The following POLR3E variants were observed in gnomAD, a reference collection of about 807,000 sequenced individuals.
POLR3E encodes the protein RNA polymerase III subunit E.
POLR3E carries 41 observed loss-of-function variants against 96.6 expected under a neutral mutation model. The observed-to-expected ratio is 0.42, with a 90% confidence interval of 0.33 to 0.55. The LOEUF (loss-of-function observed/expected upper bound fraction) is 0.55, where lower values mean the gene tolerates loss of function less well. Ranked by LOEUF, POLR3E falls within the 20% of genes least tolerant of loss-of-function variation. The pLI, the probability that POLR3E is intolerant of heterozygous loss-of-function variation, is 0.06. For synonymous variants in POLR3E, 396 were observed against 383.6 expected, an observed-to-expected ratio of 1.03 and a Z score of -0.38; for missense variants, 849 against 952.1, an observed-to-expected ratio of 0.89 and a Z score of 1.43.
At chr16:22,298,956 A>G (rs780362148) in intron 1 of POLR3E, 1 of 455,940 alleles carries the variant, frequency 2.2e-6, no homozygotes, top group South Asian at 1.5e-5. Context: ...TTCATAGTTG[A>G]GGAAACTGAA....
intron 18 of POLR3E, chr16:22,326,594 CCT>C (rs1290426077): frequency 2.1e-6 from 1 of 481,698 alleles, no homozygotes; most frequent in African/African-American, 2.0e-5. Flanking sequence ...ACCAAGAACA[CCT>C]GTTTCCTACT....
At chr16:22,325,687 C>G in intron 17 of POLR3E, 74 bp from the exon 18 acceptor site, 2 of 1,472,616 alleles carry the variant, frequency 1.4e-6, no homozygotes, top group Non-Finnish European at 1.8e-6. Context: ...TTGCTGCAGC[C>G]CCGCGGTCCC....
chr16:22,320,700 G>A (rs1045237942), intron 13 of POLR3E, among the ~76,000 whole-genome samples: 4 of 152,026 alleles, frequency 2.6e-5, no homozygotes, highest in Admixed American at 6.6e-5. Context: ...GGATCATTTC[G>A]TTCTGCCTAA....
intron 17 of POLR3E, 92 bp from the exon 18 acceptor site, chr16:22,325,669 G>C: frequency 7.1e-7 from 1 of 1,415,242 alleles, no homozygotes; most frequent in Non-Finnish European, 9.3e-7. Context: ...AGACCAGGAC[G>C]GGACCACTTG....
rs1362559635 is a variant in POLR3E at position 22,313,444 on chromosome 16, G to A, written c.365-176G>A. On this transcript the variant is annotated intron_variant, in intron 6 of 20. Transcript: ENST00000299853. The surrounding 1 kb of genome is among the most constrained non-coding windows in gnomAD (Gnocchi z 4.1). ...TGTGCTTGCTGTGTCCAGCAGGCCAGGTGGAGGTGGGGATGGTCCCTGGCC... is the reference window on the plus strand; with the variant it reads ...TGTGCTTGCTGTGTCCAGCAGGCCAAGTGGAGGTGGGGATGGTCCCTGGCC... Among the ~76,000 whole-genome samples, 1 of 152,140 alleles carries A rather than the reference G, an allele frequency of 6.6e-6. No individual in the cohort carries two copies.
At chr16:22,301,633 A>C (rs191194536) in intron 1 of POLR3E, among the ~76,000 whole-genome samples, 1 of 149,688 alleles carries the variant, frequency 6.7e-6, no homozygotes, top group African/African-American at 2.5e-5. Flanking sequence ...GACAAAAATC[A>C]TGCTGGTCTC....
In POLR3E at chr16:22,322,273, G is replaced by C. The variant is rs1396504950; in HGVS notation, c.987-577G>C. On this transcript the variant is annotated intron_variant, in intron 13 of 20. Coordinates refer to ENST00000299853, the MANE Select transcript of POLR3E (RefSeq NM_018119.4). This position sits in a 1 kb window ranked among gnomAD's most constrained non-coding sequence, Gnocchi z 5.2. ...GCCGGGGTTGCAGGGCCTGTGGCTG[G>C]AGCTGGGTCAGGGCTACACTCTGGA... 6.6e-6 allele frequency among the ~76,000 whole-genome samples: 1 copy of C among 152,180 alleles called. No homozygotes were observed. Among genetic ancestry groups the C allele is most frequent in the East Asian group, 1.9e-4 (1 of 5,186 alleles).
chr16:22,314,018 G>A (rs867384438), intron 7 of POLR3E, 61 bp from the exon 8 acceptor site: 100 of 1,456,730 alleles, frequency 6.9e-5, no homozygotes, highest in Admixed American at 4.2e-4. Flanking sequence ...GGCGGGTGGG[G>A]TTGAGAGAAG....
chr16:22,330,986 TC>T (rs1567334393), intron 19 of POLR3E, among the ~76,000 whole-genome samples: 17 of 126,438 alleles, frequency 1.3e-4, no homozygotes, highest in South Asian at 2.8e-4. Context: ...ACATGAAGCA[TC>T]CTTTTTTTTT....
Position 22,324,601 on chromosome 16 carries a change from C to T in POLR3E, c.1227C>T (p.Ile409=), listed in dbSNP as rs1388902683. The T allele has an allele frequency of 1.2e-6, 2 of 1,613,596 alleles. No homozygotes were observed. The highest frequency in any genetic ancestry group is 1.7e-6 in the Non-Finnish European group (2 of 1,179,900). Residue 409 remains isoleucine, a synonymous_variant, in exon 16 of 21, where the codon ATC becomes ATT. Transcript: ENST00000299853. ...EFILPYDGEF[I]KKHPDVVQRQ... is the part of the protein sequence containing the mutation. The stretch of plus-strand genomic sequence containing the variant: ...TTCTGCCTTATGATGGGGAGTTCAT[C>T]AAGAAGCACCCGGATGTGGTCCAGC...
intron 20 of POLR3E, 85 bp downstream of exon 20, chr16:22,332,270 G>A (rs1025080260): frequency 3.1e-6 from 4 of 1,289,678 alleles, no homozygotes; most frequent in East Asian, 4.8e-5. Flanking sequence ...GTGTCTTTGT[G>A]TATATGAAAT....
rs1405875153 is a variant in POLR3E, at chr16:22,322,793, A to G, written c.987-57A>G. On this transcript the variant is annotated intron_variant, in intron 13 of 20. Transcript: ENST00000299853. The surrounding 1 kb of genome is among the most constrained non-coding windows in gnomAD (Gnocchi z 5.2). ...GGACTGGGGCTTGGCCGGGAGGGGTAGCGGTAGAGGGGGCTCAGGGCAGGG... is the reference window on the plus strand; with the variant it reads ...GGACTGGGGCTTGGCCGGGAGGGGTGGCGGTAGAGGGGGCTCAGGGCAGGG... 7.4e-6 allele frequency: 9 copies of G among 1,222,384 alleles called. No individual in the cohort carries two copies. The highest frequency in any genetic ancestry group is 1.1e-5 in the Non-Finnish European group (9 of 831,684). The allele number at this position is 1,222,384 out of a possible 1,614,324, so 75.7% of individuals were successfully genotyped here. A position where few individuals can be genotyped will look rare whatever the true frequency, so the allele number is the denominator to read the frequency against.
Position 22,305,988 on chromosome 16 carries a change from G to T in POLR3E, c.87+782G>T, listed in dbSNP as rs139928515. Among the ~76,000 whole-genome samples the T allele has an allele frequency of 3.7e-3, 556 of 152,290 alleles. 4 individuals carry two copies. Among genetic ancestry groups the T allele is most frequent in the African/African-American group, 0.013 (530 of 41,542 alleles). ...GTCTACTCATGGGGCTGTGCAACCA[G>T]CGCCACAGTCTGTTTTGGGACAGTT... On this transcript the variant is annotated intron_variant, in intron 3 of 20. Coordinates refer to ENST00000299853, the MANE Select transcript of POLR3E (RefSeq NM_018119.4).
chr16:22,331,803 G>C (rs764515842), intron 19 of POLR3E: 19 of 362,968 alleles, frequency 5.2e-5, no homozygotes, highest in Non-Finnish European at 9.3e-5. Context: ...TGTTATGCTG[G>C]CATATACCTT....
At chr16:22,307,546 C>T (rs1037067485) in intron 3 of POLR3E, among the ~76,000 whole-genome samples, 1 of 152,114 alleles carries the variant, frequency 6.6e-6, no homozygotes, top group Non-Finnish European at 1.5e-5. Flanking sequence ...GGAGCCCCTG[C>T]GTGTTGAGCG....
intron 19 of POLR3E, 154 bp downstream of exon 19, chr16:22,328,741 TA>T: frequency 3.1e-6 from 2 of 655,230 alleles, no homozygotes; most frequent in Non-Finnish European, 2.8e-6. Context: ...CTCTGTACGC[TA>T]ACAAAATAAG....
At position 22,324,029 on chromosome 16, in the gene POLR3E, T is replaced by A. The variant is rs190636347; in HGVS notation, c.1069-325T>A. Among the ~76,000 whole-genome samples, 98 of 152,166 alleles carry A rather than the reference T, an allele frequency of 6.4e-4. 2 individuals carry two copies. The highest frequency in any genetic ancestry group is 2.2e-3 in the African/African-American group (91 of 41,518). ...GTGCCGCCTATGCAGACAGCGTGTGTCTGTGGGAGCCCCTCCCAGCCCGAG... is the reference window on the plus strand; with the variant it reads ...GTGCCGCCTATGCAGACAGCGTGTGACTGTGGGAGCCCCTCCCAGCCCGAG... On this transcript the variant is annotated intron_variant, in intron 14 of 20. Coordinates refer to ENST00000299853, the MANE Select transcript of POLR3E (RefSeq NM_018119.4).
At chr16:22,326,468 A>C in intron 18 of POLR3E, 190 bp downstream of exon 18, 1 of 633,428 alleles carries the variant, frequency 1.6e-6, no homozygotes, top group Non-Finnish European at 2.9e-6. Flanking sequence ...GTTGGGTTTT[A>C]TGTCACAGGA....
At chr16:22,319,730 T>C (rs528180580) in intron 13 of POLR3E, among the ~76,000 whole-genome samples, 2 of 152,270 alleles carry the variant, frequency 1.3e-5, no homozygotes, top group East Asian at 1.9e-4. Context: ...TGACACATAA[T>C]GTACATATTT....
Sources: allele counts gnomAD v4.1 joint callset (sites outside exome capture counted in the v4.1 genomes callset), GRCh38; gene constraint gnomAD v4.1.1; non-coding constraint Gnocchi (gnomAD v3.1); transcripts MANE v1.5; gene names NCBI Gene and HGNC (gene_info 2026-07-23, HGNC 2026-07-21).